Variants in FCGR1A observed in about 807,000 individuals in gnomAD.
FCGR1A encodes the protein high affinity immunoglobulin gamma Fc receptor I.
In FCGR1A, 13 loss-of-function variants were observed where a neutral mutation model predicts 35.0. The ratio of observed to expected loss-of-function variants is 0.37; its 90% confidence interval spans 0.24 to 0.59. The LOEUF is 0.59. Ranked by LOEUF, FCGR1A falls within the 20% of genes least tolerant of loss-of-function variation. FCGR1A has a pLI of 0.71. For missense variants in FCGR1A, 227 were observed against 430.0 expected (o/e 0.53, Z 4.17); for synonymous variants, 91 against 164.7 (o/e 0.55, Z 3.43).
chr1:149,787,946 TAG>T (rs1448396152), intron 3 of FCGR1A: 1 of 269,646 alleles, frequency 3.7e-6, no homozygotes, highest in Non-Finnish European at 7.3e-6. Flanking sequence ...ACTGCTAAGA[TAG>T]AGTCTTACAT....
Position 149,788,588 on chromosome 1 carries a change from C to T in FCGR1A, c.530C>T (p.Thr177Ile), listed in dbSNP as rs782700593. ...TCAGGCATGGGAAAGCATCGCTACACATCAGCAGGAATATCTGTCACTGTG... is the reference window on the plus strand; with the variant it reads ...TCAGGCATGGGAAAGCATCGCTACATATCAGCAGGAATATCTGTCACTGTG... ...HCSGMGKHRYTSAGISVTVKE... is the reference protein window; with the variant it reads ...HCSGMGKHRYISAGISVTVKE... Residue 177 changes from threonine to isoleucine, a missense_variant, in exon 4 of 6, where the codon ACA becomes ATA. Thr to Ile is a moderately conservative substitution (Grantham distance 89). Transcript: ENST00000369168. 2.5e-6 allele frequency: 4 copies of T among 1,614,004 alleles called. No homozygotes were observed. The East Asian group carries it at 6.7e-5, about 27-fold the overall frequency.
At chr1:149,782,932 G>A (rs1553750393) in intron 1 of FCGR1A, 158 bp downstream of exon 1, 2 of 1,483,510 alleles carry the variant, frequency 1.3e-6, no homozygotes, top group Non-Finnish European at 1.9e-6. Flanking sequence ...TTTATGAAAA[G>A]GATGGGAAGG....
Position 149,790,396 on chromosome 1 carries a change from T to A in FCGR1A, c.844+58T>A, listed in dbSNP as rs1464777352. On this transcript the variant is annotated intron_variant, in intron 5 of 5. Transcript: ENST00000369168. ...GAAGAAGGGACTCCCTTATCTCCCATGGGACTGAGGTTTGTTCAAGGGTTT... is the reference window on the plus strand; with the variant it reads ...GAAGAAGGGACTCCCTTATCTCCCAAGGGACTGAGGTTTGTTCAAGGGTTT... The A allele has an allele frequency of 6.4e-6, 10 of 1,551,440 alleles. No individual in the cohort carries two copies. In the Middle Eastern group the frequency reaches 6.8e-4, roughly 106 times the overall value.
At chr1:149,791,152 G>A in intron 5 of FCGR1A, 85 bp from the exon 6 acceptor site, 1 of 1,602,648 alleles carries the variant, frequency 6.2e-7, no homozygotes, top group Non-Finnish European at 8.5e-7. Context: ...TCAGGTCTCA[G>A]CCAACCTTCC....
At chr1:149,793,006 T>A (rs1553752292), downstream of FCGR1A, 8 of 1,270,694 alleles carry the variant, frequency 6.3e-6, no homozygotes, top group Non-Finnish European at 8.1e-6. Flanking sequence ...CGTAGCTGAG[T>A]CCCTCCAACC....
intron 4 of FCGR1A, among the ~76,000 whole-genome samples, chr1:149,788,858 A>G (rs1328094129): frequency 2.0e-5 from 3 of 152,070 alleles, no homozygotes; most frequent in Non-Finnish European, 4.4e-5. Flanking sequence ...GCTAATGTCA[A>G]TGTCAGGGCA....
chr1:149,784,068 AC>A lies in FCGR1A; in HGVS notation c.120del (p.Leu41CysfsTer82). 6.2e-7 allele frequency: 1 copy of A among 1,611,014 alleles called. No homozygotes were observed. The highest frequency in any genetic ancestry group is 8.5e-7 in the Non-Finnish European group (1 of 1,179,724). On this transcript the variant is annotated frameshift_variant, in exon 3 of 6. Coordinates refer to ENST00000369168, the MANE Select transcript of FCGR1A (RefSeq NM_000566.4). LOFTEE classifies it high-confidence loss of function. ...CAGCGTGTTCCAAGAGGAAACCGTAACCTTGCACTGTGAGGTGCTCCATCTG... is the reference window on the plus strand; with the variant it reads ...CAGCGTGTTCCAAGAGGAAACCGTAACTTGCACTGTGAGGTGCTCCATCTG... ...WVSVFQEETV[T>X]LHCEVLHLPG...
intron 3 of FCGR1A, among the ~76,000 whole-genome samples, chr1:149,785,230 C>T (rs1384109782): frequency 9.2e-5 from 14 of 152,198 alleles, no homozygotes; most frequent in Non-Finnish European, 2.1e-4. Flanking sequence ...AAAAGTCAAT[C>T]CACACTGGAG....
At chr1:149,786,024 G>A (rs1198545305) in intron 3 of FCGR1A, 2 of 151,990 alleles carry the variant, frequency 1.3e-5, no homozygotes, top group South Asian at 2.1e-4. Context: ...ATTCTGCTGA[G>A]GGGCTCGGGT....
At chr1:149,787,228 G>C (rs1173725503) in intron 3 of FCGR1A, 3 of 152,210 alleles carry the variant, frequency 2.0e-5, no homozygotes, top group Admixed American at 6.5e-5. Context: ...TTCATGCTAT[G>C]TATAGCATAG....
chr1:149,784,423 G>T (rs1232262756), intron 3 of FCGR1A, among the ~76,000 whole-genome samples, 166 bp downstream of exon 3: 1 of 151,858 alleles, frequency 6.6e-6, no homozygotes, highest in African/African-American at 2.4e-5. Context: ...ATCACAGCAG[G>T]GTCCTTAAAC....
At chr1:149,792,637 T>C, downstream of FCGR1A, 1 of 1,267,684 alleles carries the variant, frequency 7.9e-7, no homozygotes, top group Non-Finnish European at 1.0e-6. Context: ...ATGTGCATAT[T>C]GCAGCCTCCG....
At chr1:149,791,704 G>A, downstream of FCGR1A, 2 of 771,462 alleles carry the variant, frequency 2.6e-6, no homozygotes. Flanking sequence ...CATCAAAGAT[G>A]ACTTGAAATG....
chr1:149,794,120 C>G (rs587668601), downstream of FCGR1A: 1 of 453,298 alleles, frequency 2.2e-6, no homozygotes, highest in African/African-American at 2.0e-5. Context: ...GCAAAGAGAC[C>G]AGTTAGGAGT....
Position 149,791,321 on chromosome 1 carries a change from G to C in FCGR1A, c.929G>C (p.Trp310Ser), listed in dbSNP as rs1443104333. Residue 310 changes from tryptophan (W) to serine (S), a missense_variant, in exon 6 of 6, where the codon TGG (tryptophan) becomes TCG (serine). This residue lies in a region of FCGR1A where 39 missense variants were observed against 101.3 expected (regional missense o/e 0.38). Transcript: ENST00000369168. ...GIMFLVNTVL[W>S]VTIRKELKRK... ...ATGTTTTTAGTGAACACTGTTCTCT[G>C]GGTGACAATACGTAAAGAACTGAAA... The C allele has an allele frequency of 1.0e-5, 16 of 1,596,176 alleles. No homozygotes were observed. The Admixed American group carries it at 2.4e-4, about 24-fold the overall frequency.
In FCGR1A at chr1:149,791,541, G is replaced by C. The variant is rs782058132; in HGVS notation, c.*24G>C. On this transcript the variant is annotated 3_prime_UTR_variant, in exon 6 of 6. Coordinates refer to ENST00000369168, the MANE Select transcript of FCGR1A (RefSeq NM_000566.4). ...AGCAGCGGCTCAGTGGGTGGCCATC[G>C]ATCTGGACCGTCCCCTGCCCACTTG... The C allele has an allele frequency of 6.2e-7, 1 of 1,610,076 alleles. No homozygotes were observed. The highest frequency in any genetic ancestry group is 8.5e-7 in the Non-Finnish European group (1 of 1,179,378).
chr1:149,797,410 ATTAC>A, the FCGR1A span, among the ~76,000 whole-genome samples: 4 of 152,006 alleles, frequency 2.6e-5, no homozygotes, highest in African/African-American at 7.3e-5. Context: ...TATATCTAGT[ATTAC>A]TTATGTGCTT....
downstream of FCGR1A, among the ~76,000 whole-genome samples, chr1:149,793,660 C>G (rs587615002): frequency 9.2e-5 from 14 of 151,858 alleles, no homozygotes; most frequent in South Asian, 1.0e-3. Context: ...AGCCAAAGCA[C>G]AGCTCCCCAG....
chr1:149,791,666 T>G lies in FCGR1A; in HGVS notation c.*149T>G. 2 of 1,363,294 alleles carry G rather than the reference T, an allele frequency of 1.5e-6. No homozygotes were observed. The highest frequency in any genetic ancestry group is 2.0e-6 in the Non-Finnish European group (2 of 1,024,734). The allele number at this position is 1,363,294 out of a possible 1,614,324, so 84.4% of individuals were successfully genotyped here. A position where few individuals can be genotyped will look rare whatever the true frequency, so the allele number is the denominator to read the frequency against. On this transcript the variant is annotated 3_prime_UTR_variant, in exon 6 of 6. Transcript: ENST00000369168. ...CTTAAAGCAAATAAATGAACTGACT[T>G]CAACTGGGATACATTTGGAAATGTG...
Sources: allele counts gnomAD v4.1 joint callset (sites outside exome capture counted in the v4.1 genomes callset), GRCh38; gene constraint gnomAD v4.1.1; regional missense constraint gnomAD v4.1.1; transcripts MANE v1.5; gene names NCBI Gene and HGNC (gene_info 2026-07-23, HGNC 2026-07-21).